The following CDK8 variants were observed in gnomAD, a reference collection of about 807,000 sequenced individuals.
CDK8 encodes cyclin dependent kinase 8, also known as cyclin-dependent kinase 8.
Under a neutral mutation model 71.5 loss-of-function variants are expected in CDK8, and 29 were observed. That is an observed-to-expected ratio of 0.41 (90% CI 0.30 to 0.55). The LOEUF (loss-of-function observed/expected upper bound fraction) is 0.55, where lower values mean the gene tolerates loss of function less well. Ranked by LOEUF, CDK8 falls within the 20% of genes least tolerant of loss-of-function variation. CDK8 has a pLI of 0.37. For missense variants in CDK8, 288 were observed against 572.6 expected (o/e 0.50, Z 5.07); for synonymous variants, 161 against 192.1 (o/e 0.84, Z 1.34).
chr13:26,392,417 T>TC (rs1875793692), intron 6 of CDK8, among the ~76,000 whole-genome samples: 1 of 140,090 alleles, frequency 7.1e-6, no homozygotes, highest in Non-Finnish European at 1.5e-5. Context: ...AGCCTCTGCC[T>TC]CCCGGGTTCA....
chr13:26,268,308 C>CACACAG (rs1262327135), intron 1 of CDK8, among the ~76,000 whole-genome samples: 9 of 99,724 alleles, frequency 9.0e-5, no homozygotes, highest in Admixed American at 2.3e-4. Context: ...CACACACACA[C>CACACAG]AGTCCTGTGT....
At chr13:26,273,184 C>T (rs140680932) in intron 1 of CDK8, among the ~76,000 whole-genome samples, 6 of 152,258 alleles carry the variant, frequency 3.9e-5, no homozygotes, top group Non-Finnish European at 7.4e-5. Context: ...ATTGTTTGGG[C>T]ATACTTTGTT....
chr13:26,263,142 G>A (rs897944801), intron 1 of CDK8, among the ~76,000 whole-genome samples: 4 of 149,018 alleles, frequency 2.7e-5, no homozygotes, highest in African/African-American at 5.0e-5. Context: ...TTTGTTTTTC[G>A]GTTTTTTTTT....
intron 2 of CDK8, among the ~76,000 whole-genome samples, chr13:26,342,742 C>G (rs191451470): frequency 6.6e-6 from 1 of 152,118 alleles, no homozygotes; most frequent in Admixed American, 6.5e-5. Context: ...AACAAAACAC[C>G]ACCACCAACA....
At chr13:26,308,756 T>C (rs575953754) in intron 1 of CDK8, among the ~76,000 whole-genome samples, 13 of 152,342 alleles carry the variant, frequency 8.5e-5, no homozygotes, top group African/African-American at 3.1e-4. Flanking sequence ...TTCATACTGC[T>C]TCTAGTTCCT....
intron 4 of CDK8, among the ~76,000 whole-genome samples, chr13:26,370,594 C>T (rs760861424): frequency 3.3e-5 from 5 of 152,296 alleles, no homozygotes; most frequent in East Asian, 1.9e-4. Flanking sequence ...TGTTACTTAA[C>T]AGTGTTCTGA....
chr13:26,385,072 A>G, intron 5 of CDK8, 139 bp from the exon 6 acceptor site: 1 of 675,288 alleles, frequency 1.5e-6, no homozygotes, highest in Non-Finnish European at 2.4e-6. Flanking sequence ...TAAGACTTCT[A>G]AAATGGATGT....
chr13:26,359,396 ATATGTT>A (rs1874036117), intron 4 of CDK8: 1 of 155,308 alleles, frequency 6.4e-6, no homozygotes, highest in Admixed American at 6.5e-5. Flanking sequence ...TCGGGAGAAA[ATATGTT>A]TAAGTGATTC....
chr13:26,267,521 A>C (rs534958523), intron 1 of CDK8, among the ~76,000 whole-genome samples: 15 of 152,314 alleles, frequency 9.8e-5, no homozygotes, highest in East Asian at 5.8e-4. Context: ...GGTAGACTTC[A>C]AAATTTACTT....
At chr13:26,320,517 A>G (rs1874727289) in intron 1 of CDK8, among the ~76,000 whole-genome samples, 2 of 152,180 alleles carry the variant, frequency 1.3e-5, no homozygotes, top group East Asian at 3.9e-4. Flanking sequence ...AAAGAAAAAC[A>G]TAGACAAATT....
At chr13:26,300,281 AT>A (rs1873768627) in intron 1 of CDK8, among the ~76,000 whole-genome samples, 1 of 152,136 alleles carries the variant, frequency 6.6e-6, no homozygotes, top group Admixed American at 6.6e-5. Context: ...TTTTAATCTG[AT>A]AACCAAGACA....
At chr13:26,279,859 G>A (rs964761929) in intron 1 of CDK8, among the ~76,000 whole-genome samples, 1 of 152,068 alleles carries the variant, frequency 6.6e-6, no homozygotes, top group African/African-American at 2.4e-5. Context: ...CTCAGAAGAG[G>A]TATTTCAGAA....
intron 1 of CDK8, among the ~76,000 whole-genome samples, chr13:26,322,887 C>T (rs367956872): frequency 1.2e-3 from 177 of 152,232 alleles, no homozygotes; most frequent in African/African-American, 4.0e-3. Flanking sequence ...TTTTATATAT[C>T]TTTGGCATTT....
chr13:26,276,569 T>A (rs9553781), intron 1 of CDK8, among the ~76,000 whole-genome samples: 62,275 of 152,124 alleles, frequency 0.41, 14,437 homozygotes, highest in Non-Finnish European at 0.52. Context: ...TATATTTTTT[T>A]AATTAATCTC....
chr13:26,349,039 A>G (rs1565981554), intron 2 of CDK8, 33 bp from the exon 3 acceptor site: 1 of 1,225,574 alleles, frequency 8.2e-7, no homozygotes, highest in East Asian at 2.3e-5. Flanking sequence ...TTTTTGTGAC[A>G]GAAATAGTTA....
At chr13:26,363,593 C>T (rs1281535042) in intron 4 of CDK8, among the ~76,000 whole-genome samples, 2 of 152,072 alleles carry the variant, frequency 1.3e-5, no homozygotes, top group Non-Finnish European at 1.5e-5. Context: ...AACTCTTGGG[C>T]TCTTGGGCTC....
chr13:26,351,059 G>A (rs1873660828), intron 3 of CDK8, among the ~76,000 whole-genome samples: 1 of 151,950 alleles, frequency 6.6e-6, no homozygotes, highest in African/African-American at 2.4e-5. Context: ...TAACAAAATT[G>A]ACATTCTTAT....
rs1034589525 is a variant in CDK8 at position 26,354,580 on chromosome 13, C to T, written c.456+700C>T. Among the ~76,000 whole-genome samples, 4 of 152,162 alleles carry T rather than the reference C, an allele frequency of 2.6e-5. No individual in the cohort carries two copies. In the South Asian group the frequency reaches 6.2e-4, roughly 24 times the overall value. On this transcript the variant is annotated intron_variant, in intron 4 of 12. Coordinates refer to ENST00000381527, the MANE Select transcript of CDK8 (RefSeq NM_001260.3). ...TGGGTGAGCATTACCACCTGAGCTC[C>T]GCCTCCTGTCAGATCAGTGGCAGCA...
chr13:26,324,237 A>C (rs963639736), intron 1 of CDK8, among the ~76,000 whole-genome samples: 1 of 45,746 alleles, frequency 2.2e-5, no homozygotes, highest in Non-Finnish European at 4.1e-5. Context: ...TAATGGTGCA[A>C]TAAAGACTCT....
Sources: gnomAD v4.1 joint callset for allele counts (sites outside exome capture counted in the v4.1 genomes callset) on GRCh38, gnomAD v4.1.1 for gene constraint, MANE v1.5 for transcripts, NCBI Gene and HGNC (gene_info 2026-07-23, HGNC 2026-07-21) for gene names.